ANKRD30A: variants seen among roughly 807,000 people sequenced by gnomAD.
ANKRD30A encodes ankyrin repeat domain-containing protein 30A.
A neutral mutation model predicts 166.3 loss-of-function variants in ANKRD30A; 170 were observed. That is an observed-to-expected ratio of 1.02 (90% CI 0.90 to 1.16). The LOEUF is 1.16. Among genes scored for constraint, ANKRD30A ranks in the 50% most tolerant of loss-of-function variants. The probability of loss-of-function intolerance (pLI) is 0.00; values close to 1 mark genes in which losing one functional copy is unlikely to be tolerated. For missense variants in ANKRD30A, 1,630 were observed against 1,518.0 expected (o/e 1.07, Z -1.23); for synonymous variants, 564 against 508.9 (o/e 1.11, Z -1.46).
At chr10:37,237,770 T>A in the ANKRD30A span, among the ~76,000 whole-genome samples, 1 of 152,230 alleles carries the variant, frequency 6.6e-6, no homozygotes, top group African/African-American at 2.4e-5. Flanking sequence ...CTCGAAGCCA[T>A]CAATGACAAC....
Position 37,125,887 on chromosome 10 carries a change from G to A in ANKRD30A, c.100G>A (p.Val34Ile). 2.6e-6 allele frequency: 4 copies of A among 1,562,024 alleles called. No homozygotes were observed. The highest frequency in any genetic ancestry group is 1.1e-5 in the South Asian group (1 of 89,582). ...CTATACCAGCAACGACTCCTACATC[G>A]TCCACTCTGGGGATCTTAGAAAGAT... ...LVYTSNDSYI[V>I]HSGDLRKIHK... is the part of the protein sequence containing the mutation. Residue 34 changes from valine (V) to isoleucine (I), a missense_variant, in exon 1 of 36, where the codon GTC becomes ATC. Val to Ile is a conservative substitution (Grantham distance 29). Coordinates refer to ENST00000361713, the MANE Select transcript of ANKRD30A (RefSeq NM_052997.3).
the ANKRD30A span, among the ~76,000 whole-genome samples, chr10:37,249,438 C>A: frequency 6.6e-6 from 1 of 152,044 alleles, no homozygotes; most frequent in Non-Finnish European, 1.5e-5. Flanking sequence ...TGCCTGGAAA[C>A]CTCAGGCACT....
In ANKRD30A at chr10:37,141,746, G is replaced by C; in HGVS notation, c.849G>C (p.Glu283Asp). The C allele has an allele frequency of 1.2e-6, 2 of 1,611,912 alleles. No homozygotes were observed. Among genetic ancestry groups the C allele is most frequent in the South Asian group, 2.2e-5 (2 of 90,986 alleles). The stretch of plus-strand genomic sequence containing the variant: ...GAACATCTGCAGGAACACCTGATGA[G>C]GCTGCACCCTTGGCGGAAAGAACAC... ...PEGTSAGTPD[E>D]AAPLAERTPD... Residue 283 changes from glutamate to aspartate, a missense_variant, in exon 7 of 36, where the codon GAG becomes GAC. Physicochemically the swap from Glu to Asp is conservative, Grantham distance 45. Transcript: ENST00000361713.
chr10:37,235,358 T>C (rs1481366143), downstream of ANKRD30A, among the ~76,000 whole-genome samples: 1 of 152,238 alleles, frequency 6.6e-6, no homozygotes. Context: ...TATTTAATAC[T>C]CACAAACCAC....
the ANKRD30A span, among the ~76,000 whole-genome samples, chr10:37,259,201 CTT>C: frequency 0.041 from 6,277 of 152,124 alleles, 209 homozygotes; most frequent in South Asian, 0.061. Flanking sequence ...CAATAAAAAA[CTT>C]ATATCCAGAA....
the ANKRD30A span, among the ~76,000 whole-genome samples, chr10:37,259,315 G>A: frequency 6.6e-6 from 1 of 152,108 alleles, no homozygotes; most frequent in African/African-American, 2.4e-5. Context: ...AAATGACAAT[G>A]GGATACTATG....
rs574146639 is a variant in ANKRD30A at position 37,164,607 on chromosome 10, A to G, written c.2003-487A>G. Among the ~76,000 whole-genome samples, 5 of 152,298 alleles carry G rather than the reference A, an allele frequency of 3.3e-5. No homozygotes were observed. In the East Asian group the frequency reaches 7.7e-4, roughly 24 times the overall value. On this transcript the variant is annotated intron_variant, in intron 17 of 35. Coordinates refer to ENST00000361713, the MANE Select transcript of ANKRD30A (RefSeq NM_052997.3). ...ATACGGAAATGTAAAAGGGTTGGAAATATAGTTGACTGACATCAAAAAGTT... is the reference window on the plus strand; with the variant it reads ...ATACGGAAATGTAAAAGGGTTGGAAGTATAGTTGACTGACATCAAAAAGTT...
In ANKRD30A at chr10:37,217,856, G is replaced by C. The variant is rs199618076; in HGVS notation, c.3245G>C (p.Ser1082Thr). The C allele has an allele frequency of 8.9e-5, 138 of 1,553,738 alleles. No individual in the cohort carries two copies. The highest frequency in any genetic ancestry group is 1.2e-4 in the Non-Finnish European group (134 of 1,157,204). ...AGAATACAAGATATAGAATTGAAGA[G>C]TGTAGAAAGTAATTTGAATCAGGTA... The part of the protein sequence containing the change: ...ALRIQDIELK[S>T]VESNLNQVSH... The change falls in exon 33 of 36, where the codon AGT becomes ACT. Residue 1082 changes from serine to threonine, a missense_variant. Coordinates refer to ENST00000361713, the MANE Select transcript of ANKRD30A (RefSeq NM_052997.3).
At chr10:37,263,822 G>A in the ANKRD30A span, among the ~76,000 whole-genome samples, 1 of 152,244 alleles carries the variant, frequency 6.6e-6, no homozygotes, top group African/African-American at 2.4e-5. Context: ...AGAGACAGTG[G>A]CAATTAATCC....
intron 31 of ANKRD30A, among the ~76,000 whole-genome samples, chr10:37,203,255 A>C (rs1268654126): frequency 1.3e-5 from 2 of 152,196 alleles, no homozygotes; most frequent in East Asian, 3.9e-4. Flanking sequence ...TGGCAAACCG[A>C]ATCCAGCAGC....
chr10:37,209,407 T>C (rs187448562), intron 31 of ANKRD30A, among the ~76,000 whole-genome samples: 26 of 152,214 alleles, frequency 1.7e-4, no homozygotes, highest in African/African-American at 6.3e-4. Flanking sequence ...GCACATCACA[T>C]GGCCAGAGCA....
the ANKRD30A span, among the ~76,000 whole-genome samples, chr10:37,247,788 A>G: frequency 6.7e-6 from 1 of 150,312 alleles, no homozygotes; most frequent in South Asian, 2.1e-4. Flanking sequence ...AGGCTGAGGC[A>G]GGGGAATGGC....
the ANKRD30A span, among the ~76,000 whole-genome samples, chr10:37,243,038 A>G: frequency 4.6e-5 from 7 of 152,142 alleles, no homozygotes; most frequent in African/African-American, 1.2e-4. Context: ...GGTAGCAATG[A>G]TAAAATAGAC....
intron 24 of ANKRD30A, among the ~76,000 whole-genome samples, chr10:37,179,641 T>C (rs2486127): frequency 0.017 from 2,479 of 145,760 alleles, 95 homozygotes; most frequent in African/African-American, 0.059. Flanking sequence ...GCTGAACTCT[T>C]ATCCGAACTG....
rs1042719438 is a variant in ANKRD30A at position 37,125,933 on chromosome 10, G to A, written c.146G>A (p.Gly49Glu). The A allele has an allele frequency of 1.2e-6, 2 of 1,611,944 alleles. No individual in the cohort carries two copies. The highest frequency in any genetic ancestry group is 1.3e-5 in the African/African-American group (1 of 74,968). ...LRKIHKAASR[G>E]QVRKLEKMTK... ...AAGATCCATAAAGCTGCCTCCCGGG[G>A]ACAAGTCCGGAAGCTGGAGAAGATG... The change falls in exon 1 of 36, where the codon GGA (glycine) becomes GAA (glutamate). Residue 49 changes from glycine to glutamate, a missense_variant. Gly to Glu is a moderately conservative substitution (Grantham distance 98, BLOSUM62 -2). Coordinates refer to ENST00000361713, the MANE Select transcript of ANKRD30A (RefSeq NM_052997.3).
intron 31 of ANKRD30A, among the ~76,000 whole-genome samples, chr10:37,213,176 G>T (rs1038537674): frequency 6.6e-6 from 1 of 151,770 alleles, no homozygotes; most frequent in Admixed American, 6.6e-5. Context: ...AAAATCTGTA[G>T]TTGGGAGCTT....
rs528509364 is a variant in ANKRD30A at position 37,171,461 on chromosome 10, G to C, written c.2257+1737G>C. The stretch of plus-strand genomic sequence containing the variant: ...CATTAACCATGAAAATTATGACATT[G>C]TGACATGTCATGAGTCTGAAAAATT... On this transcript the variant is annotated intron_variant, in intron 21 of 35. Coordinates refer to ENST00000361713, the MANE Select transcript of ANKRD30A (RefSeq NM_052997.3). Among the ~76,000 whole-genome samples, 51 of 150,854 alleles carry C rather than the reference G, an allele frequency of 3.4e-4. 1 individual carries two copies. Among genetic ancestry groups the C allele is most frequent in the African/African-American group, 1.2e-3 (50 of 40,684 alleles).
the ANKRD30A span, among the ~76,000 whole-genome samples, chr10:37,258,118 A>G: frequency 1.1e-3 from 168 of 152,360 alleles, no homozygotes; most frequent in African/African-American, 4.0e-3. Context: ...TGTATCCCAG[A>G]ACTTAAAGTA....
At chr10:37,197,256 A>T (rs1448202874) in intron 27 of ANKRD30A, 25 bp from the exon 28 acceptor site, 2 of 1,607,928 alleles carry the variant, frequency 1.2e-6, no homozygotes, top group East Asian at 2.2e-5. Flanking sequence ...CTTATGATTG[A>T]TGATAAATCT....
Sources: gnomAD v4.1 joint callset for allele counts (sites outside exome capture counted in the v4.1 genomes callset) on GRCh38, gnomAD v4.1.1 for gene constraint, MANE v1.5 for transcripts, NCBI Gene and HGNC (gene_info 2026-07-23, HGNC 2026-07-21) for gene names.